Variants in FRYL observed in about 807,000 individuals in gnomAD.
The protein encoded by FRYL is FRY like transcription coactivator.
Under a neutral mutation model 351.2 loss-of-function variants are expected in FRYL, and 150 were observed. The ratio of observed to expected loss-of-function variants is 0.43; its 90% CI spans 0.37 to 0.49. The LOEUF (loss-of-function observed/expected upper bound fraction) is 0.49. FRYL is among the 20% of genes least tolerant of loss of function. The pLI is 0.00. For synonymous variants in FRYL, 1,153 were observed against 1,257.1 expected, an observed-to-expected ratio of 0.92 and a Z score of 1.75; for missense variants, 3,036 against 3,619.3, an observed-to-expected ratio of 0.84 and a Z score of 4.13.
At chr4:48,656,696 TGCATATATATAA>T (rs1759268870) in intron 3 of FRYL, among the ~76,000 whole-genome samples, 1 of 98,206 alleles carries the variant, frequency 1.0e-5, no homozygotes, top group South Asian at 4.0e-4. Context: ...TACATATATA[TGCATATATATAA>T]AATGTATATA....
chr4:48,589,268 G>A (rs1030748845), intron 18 of FRYL, among the ~76,000 whole-genome samples: 8 of 152,126 alleles, frequency 5.3e-5, no homozygotes, highest in African/African-American at 1.7e-4. Context: ...AAGGCCCTTG[G>A]GGTGGGGTGG....
rs1195942954 is a variant in FRYL, at chr4:48,754,668, GTTT to G, written c.-384+25407_-384+25409del. Among the ~76,000 whole-genome samples the G allele has an allele frequency of 3.5e-5, 5 of 142,244 alleles. No individual in the cohort carries two copies. In the South Asian group the frequency reaches 1.1e-3, roughly 31 times the overall value. The allele number at this position is 142,244 out of a possible 152,430, so 93.3% of individuals were successfully genotyped here. A position where few individuals can be genotyped will look rare whatever the true frequency, so the allele number is the denominator to read the frequency against. ...TGTGATTTTCTGGGGTTTTTTTGGG[GTTT>G]TTTTTTTTTTTTTTAAATGAGAGTC... On this transcript the variant is annotated intron_variant, in intron 1 of 63. Transcript: ENST00000358350.
intron 1 of FRYL, among the ~76,000 whole-genome samples, chr4:48,752,307 T>C (rs780343259): frequency 3.9e-5 from 6 of 152,178 alleles, no homozygotes; most frequent in Admixed American, 6.5e-5. Flanking sequence ...CTAAGAAAGG[T>C]AGTGGTATAG....
intron 1 of FRYL, among the ~76,000 whole-genome samples, chr4:48,779,355 T>TGGCTCC (rs1776380658): frequency 6.6e-6 from 1 of 152,290 alleles, no homozygotes; most frequent in East Asian, 1.9e-4. Flanking sequence ...TCCGCAGGGC[T>TGGCTCC]GGCTCCGGCT....
At chr4:48,635,343 T>A (rs547709899) in intron 3 of FRYL, among the ~76,000 whole-genome samples, 3 of 152,198 alleles carry the variant, frequency 2.0e-5, no homozygotes, top group Admixed American at 2.0e-4. Context: ...ATTACAGAAA[T>A]CCAGGTGAGA....
intron 7 of FRYL, among the ~76,000 whole-genome samples, chr4:48,611,293 T>C (rs1481502499): frequency 3.9e-5 from 6 of 152,084 alleles, no homozygotes; most frequent in Non-Finnish European, 7.4e-5. Context: ...CCTATTATTT[T>C]TTATTATTGT....
chr4:48,571,262 C>T (rs1435044457), intron 26 of FRYL, among the ~76,000 whole-genome samples: 2 of 152,042 alleles, frequency 1.3e-5, no homozygotes, highest in Admixed American at 1.3e-4. Flanking sequence ...AATACCCTCC[C>T]AAAAATATGA....
intron 1 of FRYL, among the ~76,000 whole-genome samples, chr4:48,731,098 C>T (rs1193104460): frequency 1.3e-5 from 2 of 151,208 alleles, no homozygotes; most frequent in Middle Eastern, 3.2e-3. Flanking sequence ...AGACTTTAAA[C>T]CAACAAAGAC....
rs1440278304 is a variant in FRYL, at chr4:48,743,456, T to C, written c.-383-32758A>G. ...CAAGTTGAACCTCTTGTTTAACAGA[T>C]AGGGAAACTTACAGCCCAGAAATGT... On this transcript the variant is annotated intron_variant, in intron 1 of 63. Transcript: ENST00000358350. Among the ~76,000 whole-genome samples, 7 of 152,158 alleles carry C rather than the reference T, an allele frequency of 4.6e-5. No homozygotes were observed. In the East Asian group the frequency reaches 1.2e-3, roughly 25 times the overall value.
chr4:48,629,043 TATA>T (rs1268567623), intron 4 of FRYL, among the ~76,000 whole-genome samples: 4 of 149,546 alleles, frequency 2.7e-5, no homozygotes, highest in African/African-American at 9.7e-5. Flanking sequence ...TATAATACTT[TATA>T]ATATTATACA....
At chr4:48,765,646 G>A (rs1302676261) in intron 1 of FRYL, among the ~76,000 whole-genome samples, 1 of 151,692 alleles carries the variant, frequency 6.6e-6, no homozygotes, top group African/African-American at 2.4e-5. Context: ...CAAAACAAGT[G>A]GGACTATGTC....
At chr4:48,731,030 C>T (rs1213381236) in intron 1 of FRYL, among the ~76,000 whole-genome samples, 1 of 151,360 alleles carries the variant, frequency 6.6e-6, no homozygotes, top group Non-Finnish European at 1.5e-5. Flanking sequence ...GAAGATCTAC[C>T]AAGCAAATGG....
At chr4:48,723,083 T>C (rs1186070561) in intron 1 of FRYL, among the ~76,000 whole-genome samples, 2 of 151,172 alleles carry the variant, frequency 1.3e-5, no homozygotes, top group Non-Finnish European at 3.0e-5. Context: ...ACCTAACAGG[T>C]TTTTTTTTGT....
chr4:48,696,890 ATCT>A (rs770650390), intron 2 of FRYL, among the ~76,000 whole-genome samples: 1 of 147,488 alleles, frequency 6.8e-6, no homozygotes. Flanking sequence ...CTATCTATCT[ATCT>A]ATCACTTTCA....
rs1293844312 is a variant in FRYL, at chr4:48,573,248, A to G, written c.2847-5T>C. ...TGTAATTCCTCTATTAGTTCCCTGGAAGAAAAATGGTACATATTCTATTAA... is the reference window on the plus strand; with the variant it reads ...TGTAATTCCTCTATTAGTTCCCTGGGAGAAAAATGGTACATATTCTATTAA... On this transcript the variant is annotated splice_region_variant and splice_polypyrimidine_tract_variant and intron_variant, in intron 25 of 63. Coordinates refer to ENST00000358350, the MANE Select transcript of FRYL (RefSeq NM_015030.2). The G allele has an allele frequency of 1.3e-6, 2 of 1,594,708 alleles. No homozygotes were observed. Among genetic ancestry groups the G allele is most frequent in the Non-Finnish European group, 1.7e-6 (2 of 1,162,588 alleles).
At chr4:48,577,741 T>C (rs1238883311) in intron 23 of FRYL, among the ~76,000 whole-genome samples, 1 of 152,074 alleles carries the variant, frequency 6.6e-6, no homozygotes, top group Non-Finnish European at 1.5e-5. Context: ...CCAGGTGTGG[T>C]GGCTCATAGC....
chr4:48,546,515 C>G, intron 41 of FRYL: 1 of 425,398 alleles, frequency 2.4e-6, no homozygotes, highest in Middle Eastern at 6.3e-4. Context: ...CAGTCCTCTG[C>G]CGCCATCTGC....
At position 48,764,390 on chromosome 4, in the gene FRYL, G is replaced by A. The variant is rs1171637695; in HGVS notation, c.-384+15688C>T. 2.6e-5 allele frequency among the ~76,000 whole-genome samples: 4 copies of A among 151,848 alleles called. No individual in the cohort carries two copies. In the East Asian group the frequency reaches 7.8e-4, roughly 29 times the overall value. On this transcript the variant is annotated intron_variant, in intron 1 of 63. Coordinates refer to ENST00000358350, the MANE Select transcript of FRYL (RefSeq NM_015030.2). ...ACAAAAAAATCAAAAGGTTAGCCGG[G>A]TATGATGGTGTGTGCCTATGGTCCC...
At chr4:48,587,164 T>C (rs1742268334) in intron 18 of FRYL, among the ~76,000 whole-genome samples, 1 of 152,078 alleles carries the variant, frequency 6.6e-6, no homozygotes, top group Non-Finnish European at 1.5e-5. Flanking sequence ...ACTTAGTATC[T>C]TCCACTAACA....
Sources: allele counts gnomAD v4.1 joint callset (sites outside exome capture counted in the v4.1 genomes callset), GRCh38; gene constraint gnomAD v4.1.1; transcripts MANE v1.5; gene names NCBI Gene and HGNC (gene_info 2026-07-23, HGNC 2026-07-21).